Variants in ANXA4 observed in about 807,000 individuals in gnomAD.
ANXA4 encodes 35-beta calcimedin.
Under a neutral mutation model 49.8 loss-of-function variants are expected in ANXA4, and 39 were observed. That is an observed-to-expected ratio of 0.78 (90% CI 0.61 to 1.02). The LOEUF (loss-of-function observed/expected upper bound fraction) is 1.02. Among genes scored for constraint, ANXA4 ranks in the 50% least tolerant of loss-of-function variants. ANXA4 has a pLI of 0.00. For synonymous variants in ANXA4, 134 were observed against 152.5 expected (o/e 0.88, Z 0.89); for missense variants, 360 against 410.1 (o/e 0.88, Z 1.05).
chr2:69,797,662 T>G (rs1673000779), intron 3 of ANXA4, among the ~76,000 whole-genome samples: 1 of 152,220 alleles, frequency 6.6e-6, no homozygotes, highest in Non-Finnish European at 1.5e-5. Context: ...CCATTCTAGT[T>G]GTAGGCAGAA....
chr2:69,671,411 AC>A (rs1180579124), intron 2 of ANXA4, among the ~76,000 whole-genome samples: 1 of 152,236 alleles, frequency 6.6e-6, no homozygotes, highest in African/African-American at 2.4e-5. Flanking sequence ...ACCTGTCAAG[AC>A]ATTTTACAGA....
intron 3 of ANXA4, among the ~76,000 whole-genome samples, chr2:69,724,974 A>G (rs72901491): frequency 0.053 from 8,020 of 152,296 alleles, 700 homozygotes; most frequent in African/African-American, 0.18. Context: ...TCATCCTGTC[A>G]AGAAATTTTA....
intron 2 of ANXA4, among the ~76,000 whole-genome samples, chr2:69,674,674 GA>G (rs1344809285): frequency 6.6e-6 from 1 of 152,072 alleles, no homozygotes; most frequent in South Asian, 2.1e-4. Flanking sequence ...GGAGGAAAAA[GA>G]AACACTTTTA....
chr2:69,718,886 A>T (rs1226547728), intron 2 of ANXA4, among the ~76,000 whole-genome samples: 1 of 151,164 alleles, frequency 6.6e-6, no homozygotes, highest in Non-Finnish European at 1.5e-5. Flanking sequence ...ACATGCATAC[A>T]CACACATGCA....
chr2:69,807,408 T>C (rs1447373032), intron 5 of ANXA4, among the ~76,000 whole-genome samples: 1 of 152,172 alleles, frequency 6.6e-6, no homozygotes, highest in Non-Finnish European at 1.5e-5. Context: ...AAGTATGTAA[T>C]GCAAATATAA....
intron 2 of ANXA4, chr2:69,713,880 A>G (rs1678772796): frequency 6.6e-6 from 1 of 152,224 alleles, no homozygotes; most frequent in South Asian, 2.1e-4. Flanking sequence ...TTCGCTGTCT[A>G]CCCTGCAGCA....
chr2:69,658,929 C>T (rs907403013), intron 2 of ANXA4, among the ~76,000 whole-genome samples: 3 of 152,158 alleles, frequency 2.0e-5, no homozygotes, highest in African/African-American at 7.2e-5. Flanking sequence ...AACTCCTGAC[C>T]TCATGATCCA....
intron 2 of ANXA4, among the ~76,000 whole-genome samples, chr2:69,716,864 T>C (rs1445306101): frequency 6.6e-6 from 1 of 152,228 alleles, no homozygotes; most frequent in Non-Finnish European, 1.5e-5. Context: ...CTAAAAGAGA[T>C]GACAGAGTTG....
chr2:69,675,265 A>G (rs1289986361), intron 2 of ANXA4, among the ~76,000 whole-genome samples: 1 of 152,096 alleles, frequency 6.6e-6, no homozygotes, highest in South Asian at 2.1e-4. Flanking sequence ...CCATACAAAG[A>G]TACTCTCTTT....
chr2:69,788,116 C>T lies in ANXA4; in HGVS notation c.72C>T (p.Thr24=), dbSNP rs770901973. ...SGFNAMEDAQ[T]LRKAMKGLGT... is the part of the protein sequence containing the mutation. ...TCAATGCCATGGAAGATGCCCAGAC[C>T]CTGAGGAAGGCCATGAAAGGGCTCG... The change falls in exon 3 of 13, where the codon ACC becomes ACT. Residue 24 remains threonine (T), a synonymous_variant. Transcript: ENST00000394295. 6.2e-7 allele frequency: 1 copy of T among 1,614,050 alleles called. No individual in the cohort carries two copies. The highest frequency in any genetic ancestry group is 1.1e-5 in the South Asian group (1 of 91,076).
At chr2:69,656,537 A>T (rs116386977) in intron 2 of ANXA4, among the ~76,000 whole-genome samples, 2,389 of 144,988 alleles carry the variant, frequency 0.016, 61 homozygotes, top group African/African-American at 0.059. Flanking sequence ...CATATTTTCC[A>T]AATACAGTAG....
At chr2:69,720,314 C>G (rs1201824115) in intron 2 of ANXA4, among the ~76,000 whole-genome samples, 1 of 152,240 alleles carries the variant, frequency 6.6e-6, no homozygotes, top group African/African-American at 2.4e-5. Flanking sequence ...TCCTCTCGCT[C>G]CATCAGTGCC....
At chr2:69,768,200 T>C (rs748527085) in intron 1 of ANXA4, among the ~76,000 whole-genome samples, 5 of 152,156 alleles carry the variant, frequency 3.3e-5, no homozygotes, top group Non-Finnish European at 5.9e-5. Context: ...TGGAAAATAA[T>C]AGGGCAAAAT....
rs988405288 is a variant in ANXA4, at chr2:69,756,619, C to T, written c.-47+14444C>T. ...CAAGTGAGAGAATAGCAAAATGAACCAGACTTTTCTAACTATTGAAATATT... is the reference window on the plus strand; with the variant it reads ...CAAGTGAGAGAATAGCAAAATGAACTAGACTTTTCTAACTATTGAAATATT... On this transcript the variant is annotated intron_variant, in intron 1 of 12. Transcript: ENST00000394295. Among the ~76,000 whole-genome samples, 16 of 151,930 alleles carry T rather than the reference C, an allele frequency of 1.1e-4. 1 individual carries two copies. Among genetic ancestry groups the T allele is most frequent in the Admixed American group, 9.8e-4 (15 of 15,252 alleles).
intron 2 of ANXA4, among the ~76,000 whole-genome samples, chr2:69,683,720 A>G (rs556234837): frequency 6.6e-6 from 1 of 152,312 alleles, no homozygotes; most frequent in Admixed American, 6.5e-5. Context: ...GCCCTTAGAA[A>G]GATAGCTGGG....
intron 3 of ANXA4, among the ~76,000 whole-genome samples, chr2:69,727,374 G>A (rs938482253): frequency 6.6e-6 from 1 of 152,218 alleles, no homozygotes; most frequent in Admixed American, 6.5e-5. Flanking sequence ...CCCACCAGCA[G>A]TGTATAGAGT....
chr2:69,757,238 T>TTTTATATATATA (rs1267602375), intron 1 of ANXA4, among the ~76,000 whole-genome samples: 1 of 59,060 alleles, frequency 1.7e-5, no homozygotes, highest in African/African-American at 6.3e-5. Context: ...CATTTTTGTT[T>TTTTATATATATA]TATATATATA....
At chr2:69,812,594 G>A in intron 7 of ANXA4, 59 bp from the exon 8 acceptor site, 1 of 1,438,966 alleles carries the variant, frequency 6.9e-7, no homozygotes, top group Non-Finnish European at 9.7e-7. Context: ...TCTTAATGGT[G>A]TCCCCAGATC....
intron 12 of ANXA4, among the ~76,000 whole-genome samples, chr2:69,823,223 G>A (rs1170826409): frequency 6.6e-6 from 1 of 150,942 alleles, no homozygotes; most frequent in Non-Finnish European, 1.5e-5. Context: ...ATAATCTAGT[G>A]TATATATGTC....
Sources: gnomAD v4.1 joint callset for allele counts (sites outside exome capture counted in the v4.1 genomes callset) on GRCh38, gnomAD v4.1.1 for gene constraint, MANE v1.5 for transcripts, NCBI Gene and HGNC (gene_info 2026-07-23, HGNC 2026-07-21) for gene names.